Variants in ADAMTS19 observed in about 807,000 individuals in gnomAD.
ADAMTS19 encodes ADAM metallopeptidase with thrombospondin type 1 motif 19.
Under a neutral mutation model 153.3 loss-of-function variants are expected in ADAMTS19, and 93 were observed. The observed-to-expected ratio is 0.61, with a 90% CI of 0.51 to 0.72. The LOEUF is 0.72. Ranked by LOEUF, ADAMTS19 falls within the 30% of genes least tolerant of loss-of-function variation. ADAMTS19 has a pLI of 0.00. For synonymous variants in ADAMTS19, 600 were observed against 556.6 expected (o/e 1.08, Z -1.10); for missense variants, 1,482 against 1,552.1 (o/e 0.95, Z 0.76).
At chr5:129,563,851 G>A (rs1753607608) in intron 7 of ADAMTS19, among the ~76,000 whole-genome samples, 1 of 152,084 alleles carries the variant, frequency 6.6e-6, no homozygotes, top group South Asian at 2.1e-4. Flanking sequence ...TCTAAGTACT[G>A]CTGTGAAGGA....
intron 22 of ADAMTS19, among the ~76,000 whole-genome samples, chr5:129,736,100 A>G (rs986689669): frequency 1.3e-5 from 2 of 152,080 alleles, no homozygotes; most frequent in Admixed American, 1.3e-4. Flanking sequence ...GTTCAAGGTG[A>G]ATAACACTAA....
At chr5:129,685,617 A>G (rs1257812305) in intron 18 of ADAMTS19, among the ~76,000 whole-genome samples, 1 of 152,150 alleles carries the variant, frequency 6.6e-6, no homozygotes, top group African/African-American at 2.4e-5. Context: ...GACTGTGTGG[A>G]TGGATTCCAC....
At chr5:129,649,058 T>G in intron 13 of ADAMTS19, 88 bp downstream of exon 13, 2 of 1,261,770 alleles carry the variant, frequency 1.6e-6, no homozygotes, top group Non-Finnish European at 2.2e-6. Context: ...ATTTTACCTA[T>G]TATCTTCAAA....
intron 19 of ADAMTS19, among the ~76,000 whole-genome samples, chr5:129,696,454 T>C (rs922475954): frequency 1.2e-4 from 18 of 152,186 alleles, no homozygotes; most frequent in Non-Finnish European, 2.5e-4. Flanking sequence ...GAAGTTTGAA[T>C]TTCAAGGCTT....
intron 21 of ADAMTS19, among the ~76,000 whole-genome samples, chr5:129,728,183 A>G (rs1757285688): frequency 6.6e-6 from 1 of 152,128 alleles, no homozygotes; most frequent in Non-Finnish European, 1.5e-5. Context: ...AAGTTACCCT[A>G]TGTGGTTTAA....
intron 18 of ADAMTS19, among the ~76,000 whole-genome samples, chr5:129,691,455 G>A (rs1755333860): frequency 6.6e-6 from 1 of 152,084 alleles, no homozygotes; most frequent in African/African-American, 2.4e-5. Flanking sequence ...TGGATGCATT[G>A]TAGATACTGC....
chr5:129,698,062 G>A (rs557515763), intron 19 of ADAMTS19, among the ~76,000 whole-genome samples: 142 of 152,226 alleles, frequency 9.3e-4, no homozygotes, highest in African/African-American at 3.1e-3. Context: ...AACTATCTTG[G>A]AGAAAAACGT....
At chr5:129,701,723 ATT>A in intron 20 of ADAMTS19, 131 bp downstream of exon 20, 1 of 983,946 alleles carries the variant, frequency 1.0e-6, no homozygotes, top group South Asian at 2.0e-5. Context: ...TTTGTTGATG[ATT>A]AAAGGAATAC....
rs575251853 is a variant in ADAMTS19, at chr5:129,707,380, T to A, written c.3312+2989T>A. On this transcript the variant is annotated intron_variant, in intron 21 of 22. Transcript: ENST00000274487. Reference sequence around the variant, plus strand: ...TCTGTTTGTCTACTTTCGGACTTTATATGAATATAAGTGCTTTTTTCCTTA... The same window carrying A: ...TCTGTTTGTCTACTTTCGGACTTTAAATGAATATAAGTGCTTTTTTCCTTA... Among the ~76,000 whole-genome samples, 2 of 152,296 alleles carry A rather than the reference T, an allele frequency of 1.3e-5. 1 individual carries two copies. The highest frequency in any genetic ancestry group is 4.1e-4 in the South Asian group (2 of 4,832).
chr5:129,644,082 G>T (rs1310910714), intron 11 of ADAMTS19, among the ~76,000 whole-genome samples: 1 of 151,984 alleles, frequency 6.6e-6, no homozygotes, highest in Non-Finnish European at 1.5e-5. Flanking sequence ...AACATAATTT[G>T]CAATCTTGAA....
chr5:129,589,520 A>G (rs899154741), intron 7 of ADAMTS19, among the ~76,000 whole-genome samples: 15 of 152,184 alleles, frequency 9.9e-5, no homozygotes, highest in African/African-American at 3.6e-4. Context: ...CTTTTATCAC[A>G]GATCAGTGAA....
chr5:129,623,350 C>T (rs1284931557), intron 10 of ADAMTS19, among the ~76,000 whole-genome samples: 1 of 152,054 alleles, frequency 6.6e-6, no homozygotes, highest in Non-Finnish European at 1.5e-5. Context: ...CCCCTATCTG[C>T]CCATCTCCTC....
chr5:129,475,164 C>T (rs553084525), intron 2 of ADAMTS19, among the ~76,000 whole-genome samples: 2 of 151,716 alleles, frequency 1.3e-5, no homozygotes, highest in African/African-American at 4.8e-5. Context: ...AGTGTCTAAC[C>T]CAAAGTCACA....
chr5:129,506,305 G>C (rs1312841842), intron 2 of ADAMTS19, among the ~76,000 whole-genome samples: 1 of 152,152 alleles, frequency 6.6e-6, no homozygotes, highest in Non-Finnish European at 1.5e-5. Context: ...AAATATGCCA[G>C]AGTGAACTGA....
chr5:129,565,236 G>A (rs978037832), intron 7 of ADAMTS19, among the ~76,000 whole-genome samples: 1 of 152,066 alleles, frequency 6.6e-6, no homozygotes, highest in Non-Finnish European at 1.5e-5. Context: ...TGTATTAGAA[G>A]CTGATTCTAT....
chr5:129,583,278 T>C (rs1172574875), intron 7 of ADAMTS19, among the ~76,000 whole-genome samples: 1 of 152,180 alleles, frequency 6.6e-6, no homozygotes, highest in Non-Finnish European at 1.5e-5. Context: ...CAGAGAGATC[T>C]GGTATTAGTC....
chr5:129,591,336 A>T (rs1467115466), intron 7 of ADAMTS19, among the ~76,000 whole-genome samples: 2 of 150,052 alleles, frequency 1.3e-5, no homozygotes, highest in East Asian at 3.9e-4. Flanking sequence ...TCTATTGCCC[A>T]GGCTGAAGTG....
chr5:129,684,772 G>A (rs997327094), intron 18 of ADAMTS19, among the ~76,000 whole-genome samples: 29 of 151,864 alleles, frequency 1.9e-4, no homozygotes, highest in Non-Finnish European at 3.4e-4. Context: ...CAGATCACGA[G>A]GTCAGGAGAT....
At chr5:129,641,092 T>C (rs1224455190) in intron 10 of ADAMTS19, among the ~76,000 whole-genome samples, 1 of 152,186 alleles carries the variant, frequency 6.6e-6, no homozygotes, top group African/African-American at 2.4e-5. Context: ...CTTACAGAAA[T>C]AGAAAGTCTT....
Sources: allele counts gnomAD v4.1 joint callset (sites outside exome capture counted in the v4.1 genomes callset), GRCh38; gene constraint gnomAD v4.1.1; transcripts MANE v1.5; gene names NCBI Gene and HGNC (gene_info 2026-07-23, HGNC 2026-07-21).